Variants in PARD3B observed in about 807,000 individuals in gnomAD.
PARD3B encodes par-3 family cell polarity regulator beta, also known as partitioning defective 3 homolog B.
Under a neutral mutation model 130.2 loss-of-function variants are expected in PARD3B, and 103 were observed. The observed-to-expected ratio is 0.79, with a 90% confidence interval of 0.67 to 0.93. The LOEUF is 0.93. PARD3B is among the 40% of genes least tolerant of loss of function. The pLI is 0.00. For synonymous variants in PARD3B, 583 were observed against 553.2 expected, an observed-to-expected ratio of 1.05 and a Z score of -0.76; for missense variants, 1,609 against 1,499.2, an observed-to-expected ratio of 1.07 and a Z score of -1.21.
At chr2:204,955,690 T>A (rs575124649) in intron 2 of PARD3B, among the ~76,000 whole-genome samples, 3 of 152,322 alleles carry the variant, frequency 2.0e-5, no homozygotes, top group Admixed American at 2.0e-4. Flanking sequence ...GGATTTCTTA[T>A]GAGTATGAAA....
intron 3 of PARD3B, among the ~76,000 whole-genome samples, chr2:204,976,228 G>T (rs56218804): frequency 6.6e-6 from 1 of 152,060 alleles, no homozygotes; most frequent in Non-Finnish European, 1.5e-5. Flanking sequence ...GAAATACATA[G>T]ATTATACAAT....
chr2:204,732,509 T>C (rs1483345516), intron 2 of PARD3B, among the ~76,000 whole-genome samples: 4 of 138,300 alleles, frequency 2.9e-5, no homozygotes, highest in African/African-American at 1.3e-4. Context: ...AAGGATATCT[T>C]TTTTTTTTTT....
chr2:205,572,463 G>A lies in PARD3B; in HGVS notation c.3260+19060G>A, dbSNP rs12472473. On this transcript the variant is annotated intron_variant, in intron 22 of 22. Transcript: ENST00000406610. The surrounding 1 kb of genome is among the most constrained non-coding windows in gnomAD (Gnocchi z 4.2). ...TCATGGAAAATAAATTGGAGAGACA[G>A]GCCGGGTGCGGTGGTGCACGCCTGT... Among the ~76,000 whole-genome samples the A allele has an allele frequency of 0.16, 24,764 of 152,130 alleles. 2,157 individuals carry two copies. Among genetic ancestry groups the A allele is most frequent in the East Asian group, 0.28 (1,460 of 5,162 alleles).
intron 3 of PARD3B, among the ~76,000 whole-genome samples, chr2:205,046,761 G>A (rs778386283): frequency 1.3e-5 from 2 of 152,130 alleles, no homozygotes; most frequent in Non-Finnish European, 2.9e-5. Flanking sequence ...TTATATGAGA[G>A]TGATTTTAAA....
At chr2:205,140,018 C>A (rs759293688) in intron 10 of PARD3B, among the ~76,000 whole-genome samples, 4 of 152,170 alleles carry the variant, frequency 2.6e-5, no homozygotes, top group Non-Finnish European at 4.4e-5. Context: ...GAAAATATTT[C>A]CCAAAGATTG....
At chr2:205,026,089 T>C (rs754767827) in intron 3 of PARD3B, among the ~76,000 whole-genome samples, 3 of 152,128 alleles carry the variant, frequency 2.0e-5, no homozygotes, top group African/African-American at 4.8e-5. Context: ...AAGTTATACA[T>C]GTAAACAAAT....
rs141093458 is a variant in PARD3B, at chr2:205,114,828, A to T, written c.680+1251A>T. 9.2e-3 allele frequency among the ~76,000 whole-genome samples: 1,405 copies of T among 152,082 alleles called. 15 individuals are homozygous for T. Among genetic ancestry groups the T allele is most frequent in the Non-Finnish European group, 9.7e-3 (662 of 67,944 alleles). On this transcript the variant is annotated intron_variant, in intron 6 of 22. Coordinates refer to ENST00000406610, the MANE Select transcript of PARD3B (RefSeq NM_001302769.2). ...GAATGTTCCCCAAAAGAAATGAACCAAAAAGCTAGCAACTCTTATTGTCTC... is the reference window on the plus strand; with the variant it reads ...GAATGTTCCCCAAAAGAAATGAACCTAAAAGCTAGCAACTCTTATTGTCTC...
In PARD3B at chr2:205,116,408, A is replaced by G. The variant is rs1412292134; in HGVS notation, c.681-2513A>G. 6.6e-6 allele frequency among the ~76,000 whole-genome samples: 1 copy of G among 152,166 alleles called. No individual in the cohort carries two copies. The highest frequency in any genetic ancestry group is 1.9e-4 in the East Asian group (1 of 5,200). ...ACTGAGGCTGTGTGACATTGGGAAA[A>G]GAACAGGAAGGGGGCAAGGAGAAGA... On this transcript the variant is annotated intron_variant, in intron 6 of 22. Transcript: ENST00000406610. The surrounding 1 kb of genome is among the most constrained non-coding windows in gnomAD (Gnocchi z 4.5).
chr2:205,356,806 G>A (rs779231238), intron 18 of PARD3B, among the ~76,000 whole-genome samples: 2 of 149,640 alleles, frequency 1.3e-5, no homozygotes, highest in African/African-American at 4.9e-5. Context: ...CAGGAGAACC[G>A]CTTAAACCCA....
intron 15 of PARD3B, among the ~76,000 whole-genome samples, chr2:205,202,650 A>G (rs1415424825): frequency 6.6e-6 from 1 of 152,158 alleles, no homozygotes; most frequent in Non-Finnish European, 1.5e-5. Flanking sequence ...AAGAGGTACA[A>G]CTTTCTCAAA....
At chr2:204,632,932 TA>T (rs745368029) in intron 1 of PARD3B, among the ~76,000 whole-genome samples, 17 of 152,232 alleles carry the variant, frequency 1.1e-4, no homozygotes, top group Non-Finnish European at 1.9e-4. Flanking sequence ...CAGCTGCTTC[TA>T]ATCTGCCATC....
At chr2:205,583,906 C>T (rs763529404) in intron 22 of PARD3B, among the ~76,000 whole-genome samples, 12 of 152,164 alleles carry the variant, frequency 7.9e-5, no homozygotes, top group African/African-American at 1.2e-4. Context: ...CCAAACTGCC[C>T]CTCATAAATT....
At position 205,265,776 on chromosome 2, in the gene PARD3B, T is replaced by C. The variant is rs905075387; in HGVS notation, c.2185+19954T>C. 1.3e-5 allele frequency among the ~76,000 whole-genome samples: 2 copies of C among 152,044 alleles called. No homozygotes were observed. Among genetic ancestry groups the C allele is most frequent in the Non-Finnish European group, 2.9e-5 (2 of 67,940 alleles). On this transcript the variant is annotated intron_variant, in intron 16 of 22. Coordinates refer to ENST00000406610, the MANE Select transcript of PARD3B (RefSeq NM_001302769.2). This position sits in a 1 kb window ranked among gnomAD's most constrained non-coding sequence, Gnocchi z 4.3. ...ATGCTATTGTAGTAAAGTTAAAAGATTATTCAAATCTTTGGAATTTTCAGA... is the reference window on the plus strand; with the variant it reads ...ATGCTATTGTAGTAAAGTTAAAAGACTATTCAAATCTTTGGAATTTTCAGA...
Position 205,117,465 on chromosome 2 carries a change from G to A in PARD3B, c.681-1456G>A, listed in dbSNP as rs1254049620. Among the ~76,000 whole-genome samples, 3 of 152,182 alleles carry A rather than the reference G, an allele frequency of 2.0e-5. No individual in the cohort carries two copies. In the East Asian group the frequency reaches 5.8e-4, roughly 29 times the overall value. On this transcript the variant is annotated intron_variant, in intron 6 of 22. Coordinates refer to ENST00000406610, the MANE Select transcript of PARD3B (RefSeq NM_001302769.2). Reference sequence around the variant, plus strand: ...GCCATGCCTGTTGAGGTCTTGAGATGATGGGAGCTCATTAAGGGGACAGAG... The same window carrying A: ...GCCATGCCTGTTGAGGTCTTGAGATAATGGGAGCTCATTAAGGGGACAGAG...
At position 204,846,641 on chromosome 2, in the gene PARD3B, CAGCT is replaced by C. The variant is rs2044472464; in HGVS notation, c.223-118509_223-118506del. ...CTCTTTCTGTTTCTCTCTCTTTCCC[CAGCT>C]ATGTGTGTACAAGTACAAACAAGGT... On this transcript the variant is annotated intron_variant, in intron 2 of 22. Coordinates refer to ENST00000406610, the MANE Select transcript of PARD3B (RefSeq NM_001302769.2). Among the ~76,000 whole-genome samples, 3 of 150,260 alleles carry C rather than the reference CAGCT, an allele frequency of 2.0e-5. No homozygotes were observed. The South Asian group carries it at 6.4e-4, about 32-fold the overall frequency.
At chr2:205,165,439 A>G (rs1318536184) in intron 11 of PARD3B, among the ~76,000 whole-genome samples, 1 of 151,504 alleles carries the variant, frequency 6.6e-6, no homozygotes, top group Non-Finnish European at 1.5e-5. Context: ...TTTAAAATGA[A>G]AAGATTTATA....
intron 22 of PARD3B, among the ~76,000 whole-genome samples, chr2:205,599,184 T>A (rs1165909527): frequency 6.6e-6 from 1 of 152,180 alleles, no homozygotes; most frequent in Non-Finnish European, 1.5e-5. Flanking sequence ...CAGAGGTTCA[T>A]GAATATGTTA....
intron 15 of PARD3B, among the ~76,000 whole-genome samples, chr2:205,213,497 T>C (rs1156877060): frequency 6.6e-6 from 1 of 152,172 alleles, no homozygotes; most frequent in Non-Finnish European, 1.5e-5. Context: ...TGGAGCAATC[T>C]GGCTGCAATC....
At chr2:205,400,194 T>C (rs1169200094) in intron 18 of PARD3B, among the ~76,000 whole-genome samples, 1 of 152,148 alleles carries the variant, frequency 6.6e-6, no homozygotes, top group East Asian at 1.9e-4. Context: ...TCTATTGCAT[T>C]AATAGGTCAT....
Sources: allele counts gnomAD v4.1 joint callset (sites outside exome capture counted in the v4.1 genomes callset), GRCh38; gene constraint gnomAD v4.1.1; non-coding constraint Gnocchi (gnomAD v3.1); transcripts MANE v1.5; gene names NCBI Gene and HGNC (gene_info 2026-07-23, HGNC 2026-07-21).